Variants in HS3ST5 observed in about 807,000 individuals in gnomAD.
The protein encoded by HS3ST5 is heparan sulfate-glucosamine 3-sulfotransferase 5.
Under a neutral mutation model 25.4 loss-of-function variants are expected in HS3ST5, and 10 were observed. The ratio of observed to expected loss-of-function variants is 0.39; its 90% CI spans 0.24 to 0.67. HS3ST5 has a LOEUF of 0.67. Ranked by LOEUF, HS3ST5 falls within the 30% of genes least tolerant of loss-of-function variation. The pLI is 0.44. For missense variants in HS3ST5, 324 were observed against 420.7 expected, an observed-to-expected ratio of 0.77 and a Z score of 2.01; for synonymous variants, 170 against 162.4, an observed-to-expected ratio of 1.05 and a Z score of -0.36.
intron 2 of HS3ST5, among the ~76,000 whole-genome samples, chr6:114,197,375 T>C (rs933955598): frequency 6.6e-5 from 10 of 152,168 alleles, no homozygotes; most frequent in African/African-American, 1.9e-4. Context: ...CAATAATTCA[T>C]TGTAGTCTAA....
intron 1 of HS3ST5, among the ~76,000 whole-genome samples, chr6:114,290,983 A>T (rs1774551030): frequency 6.6e-6 from 1 of 152,006 alleles, no homozygotes. Flanking sequence ...TGGGAACCTA[A>T]CAGTGCCCAA....
chr6:114,149,951 AGTTTCCC>A (rs1778372050), intron 3 of HS3ST5, among the ~76,000 whole-genome samples: 1 of 152,186 alleles, frequency 6.6e-6, no homozygotes. Context: ...GGCTTAAAAG[AGTTTCCC>A]TTTGTTGGTT....
intron 3 of HS3ST5, among the ~76,000 whole-genome samples, chr6:114,110,860 T>A (rs1737553950): frequency 6.6e-6 from 1 of 152,212 alleles, no homozygotes; most frequent in African/African-American, 2.4e-5. Context: ...ATATGTATAG[T>A]GTACTATTTT....
chr6:114,179,230 C>A (rs1455028916), intron 2 of HS3ST5: 1 of 152,152 alleles, frequency 6.6e-6, no homozygotes, highest in East Asian at 1.9e-4. Flanking sequence ...TCTTGCCTGG[C>A]AGATAGTAAG....
intron 3 of HS3ST5, among the ~76,000 whole-genome samples, chr6:114,098,322 G>C (rs1775548984): frequency 6.6e-6 from 1 of 151,566 alleles, no homozygotes; most frequent in Non-Finnish European, 1.5e-5. Flanking sequence ...CAGTTAATTT[G>C]TTAAATGTAT....
At chr6:114,125,041 G>T (rs1466175018) in intron 3 of HS3ST5, among the ~76,000 whole-genome samples, 3 of 152,166 alleles carry the variant, frequency 2.0e-5, no homozygotes, top group African/African-American at 7.2e-5. Context: ...ATTAAACTCA[G>T]TCTGGGGAAA....
chr6:114,129,067 C>G (rs934425899), intron 3 of HS3ST5, among the ~76,000 whole-genome samples: 2 of 152,046 alleles, frequency 1.3e-5, no homozygotes, highest in Non-Finnish European at 2.9e-5. Flanking sequence ...TAGTATCTAC[C>G]TCATAGATGT....
intron 3 of HS3ST5, chr6:114,084,673 G>T: frequency 1.6e-6 from 2 of 1,232,010 alleles, no homozygotes; most frequent in Non-Finnish European, 1.2e-6. Flanking sequence ...CAGCCCTGGG[G>T]TCAGTAACCA....
At chr6:114,283,615 C>A (rs1403439471) in intron 1 of HS3ST5, among the ~76,000 whole-genome samples, 1 of 151,382 alleles carries the variant, frequency 6.6e-6, no homozygotes, top group African/African-American at 2.4e-5. Context: ...AATAAGTTAC[C>A]AAGTTCACAA....
intron 2 of HS3ST5, among the ~76,000 whole-genome samples, chr6:114,173,781 C>T (rs1179665872): frequency 1.3e-5 from 2 of 152,086 alleles, no homozygotes; most frequent in East Asian, 1.9e-4. Flanking sequence ...ATCACTTGAA[C>T]CCGGGAGGCA....
Position 114,097,973 on chromosome 6 carries a change from A to G in HS3ST5, c.-32-35096T>C, listed in dbSNP as rs76073231. 6.8e-3 allele frequency among the ~76,000 whole-genome samples: 1,038 copies of G among 152,108 alleles called. 19 individuals carry two copies. Among genetic ancestry groups the G allele is most frequent in the African/African-American group, 0.024 (991 of 41,546 alleles). On this transcript the variant is annotated intron_variant, in intron 3 of 4. Coordinates refer to ENST00000312719, the MANE Select transcript of HS3ST5 (RefSeq NM_153612.4). ...TATTTTCTTTTTCTTCTCTACAATC[A>G]AAAGACAAATGCATGACTCATGTAC... is the stretch of plus-strand genomic sequence containing the variant.
intron 1 of HS3ST5, among the ~76,000 whole-genome samples, chr6:114,305,924 T>C (rs1164439334): frequency 6.6e-6 from 1 of 152,080 alleles, no homozygotes; most frequent in African/African-American, 2.4e-5. Context: ...AGAAGCAGGA[T>C]TGACATAATA....
intron 3 of HS3ST5, among the ~76,000 whole-genome samples, chr6:114,072,948 A>G (rs1370737135): frequency 6.6e-6 from 1 of 152,238 alleles, no homozygotes; most frequent in South Asian, 2.1e-4. Flanking sequence ...AAACAGATAT[A>G]TAGACCAATG....
chr6:114,306,110 A>C (rs1775276122), intron 1 of HS3ST5, among the ~76,000 whole-genome samples: 1 of 151,890 alleles, frequency 6.6e-6, no homozygotes, highest in Non-Finnish European at 1.5e-5. Flanking sequence ...TAATTTTTTA[A>C]ATAATTATGA....
intron 2 of HS3ST5, among the ~76,000 whole-genome samples, chr6:114,184,001 A>C (rs78145476): frequency 0.031 from 4,698 of 151,870 alleles, 98 homozygotes; most frequent in Non-Finnish European, 0.049. Flanking sequence ...CAAGTAATGA[A>C]ATAGGATATT....
Position 114,093,353 on chromosome 6 carries a change from TTGTGTGTGTGTGTG to T in HS3ST5, c.-32-30490_-32-30477del, listed in dbSNP as rs60927880. Among the ~76,000 whole-genome samples the T allele has an allele frequency of 5.0e-3, 674 of 134,248 alleles. 2 individuals are homozygous for T. Among genetic ancestry groups the T allele is most frequent in the African/African-American group, 0.016 (573 of 36,834 alleles). The allele number at this position is 134,248 out of a possible 152,430, so 88.1% of individuals were successfully genotyped here. A position where few individuals can be genotyped will look rare whatever the true frequency, so the allele number is the denominator to read the frequency against. ...CCTTGTATCTTTTTTGTTTGTTTGT[TTGTGTGTGTGTGTG>T]TGTGTGTGTGTGTGTGTGTGTGTGT... On this transcript the variant is annotated intron_variant, in intron 3 of 4. Transcript: ENST00000312719.
intron 2 of HS3ST5, among the ~76,000 whole-genome samples, chr6:114,207,280 T>C (rs1164353672): frequency 6.6e-6 from 1 of 152,148 alleles, no homozygotes; most frequent in Non-Finnish European, 1.5e-5. Context: ...TTCCAAATAT[T>C]TTCTTAATAA....
intron 1 of HS3ST5, among the ~76,000 whole-genome samples, chr6:114,279,239 G>A (rs1378086012): frequency 6.6e-6 from 1 of 151,986 alleles, no homozygotes; most frequent in Non-Finnish European, 1.5e-5. Context: ...ATTTCTGTCT[G>A]TACAAGCAAA....
At chr6:114,310,629 A>T (rs112564573) in intron 1 of HS3ST5, among the ~76,000 whole-genome samples, 2,701 of 151,906 alleles carry the variant, frequency 0.018, 36 homozygotes, top group Non-Finnish European at 0.028. Flanking sequence ...TTGTATATAG[A>T]TGCTCTTTGA....
Sources: gnomAD v4.1 joint callset for allele counts (sites outside exome capture counted in the v4.1 genomes callset) on GRCh38, gnomAD v4.1.1 for gene constraint, MANE v1.5 for transcripts, NCBI Gene and HGNC (gene_info 2026-07-23, HGNC 2026-07-21) for gene names.